RAD54L2: variants seen among roughly 807,000 people sequenced by gnomAD.
The protein encoded by RAD54L2 is helicase ARIP4.
Under a neutral mutation model 138.4 loss-of-function variants are expected in RAD54L2, and 27 were observed. The ratio of observed to expected loss-of-function variants is 0.20; its 90% CI spans 0.14 to 0.27. The LOEUF (loss-of-function observed/expected upper bound fraction) is 0.27. Among genes scored for constraint, RAD54L2 ranks in the 10% least tolerant of loss-of-function variants. RAD54L2 has a pLI of 1.00. For synonymous variants in RAD54L2, 644 were observed against 723.2 expected, an observed-to-expected ratio of 0.89 and a Z score of 1.76; for missense variants, 1,396 against 1,890.2, an observed-to-expected ratio of 0.74 and a Z score of 4.85.
chr3:51,642,398 C>A (rs1701161899), intron 15 of RAD54L2, among the ~76,000 whole-genome samples: 1 of 145,326 alleles, frequency 6.9e-6, no homozygotes, highest in South Asian at 2.1e-4. Context: ...CAAGTACATA[C>A]AGTACGTAAA....
intron 2 of RAD54L2, among the ~76,000 whole-genome samples, chr3:51,564,233 A>G (rs1037957758): frequency 2.0e-5 from 3 of 152,240 alleles, no homozygotes; most frequent in Non-Finnish European, 4.4e-5. Flanking sequence ...ACAGGAAAAC[A>G]GGGAGTGCTT....
intron 2 of RAD54L2, among the ~76,000 whole-genome samples, chr3:51,589,510 C>T (rs1699788480): frequency 6.6e-6 from 1 of 152,322 alleles, no homozygotes; most frequent in African/African-American, 2.4e-5. Flanking sequence ...GGACTGGAAG[C>T]TTTGGCTCAT....
intron 3 of RAD54L2, among the ~76,000 whole-genome samples, chr3:51,597,995 G>T (rs1369192731): frequency 6.6e-6 from 1 of 150,608 alleles, no homozygotes; most frequent in Admixed American, 6.6e-5. Context: ...TAATTATGCT[G>T]AGTGAAAGCC....
intron 2 of RAD54L2, among the ~76,000 whole-genome samples, chr3:51,579,161 CTTTTTTT>C (rs771455214): frequency 1.5e-5 from 2 of 131,652 alleles, no homozygotes; most frequent in African/African-American, 5.6e-5. Flanking sequence ...TGAGCCTGGG[CTTTTTTT>C]TTTTTTTTTT....
chr3:51,621,062 TTTAA>T (rs1417046296), intron 3 of RAD54L2, among the ~76,000 whole-genome samples: 3 of 152,140 alleles, frequency 2.0e-5, no homozygotes, highest in East Asian at 3.9e-4. Flanking sequence ...CTGAAGGAAA[TTTAA>T]TTATAGAATT....
chr3:51,662,997 C>T lies in RAD54L2; in HGVS notation c.3981C>T (p.Tyr1327=), dbSNP rs1168067489. ...TTATGGGCAGTACCCCCTCCTACTA[C>T]CAGCTGTCCAATTTGCTGGCAGATG... is the stretch of plus-strand genomic sequence containing the variant. The part of the protein sequence containing the change: ...SLFMGSTPSY[Y]QLSNLLADAR... The change falls in exon 23 of 23, where the codon TAC becomes TAT. Residue 1327 remains tyrosine, a synonymous_variant. Transcript: ENST00000684192. The surrounding 1 kb of genome is among the most constrained non-coding windows in gnomAD (Gnocchi z 4.6). 5.0e-6 allele frequency: 8 copies of T among 1,614,006 alleles called. No individual in the cohort carries two copies. The highest frequency in any genetic ancestry group is 6.8e-6 in the Non-Finnish European group (8 of 1,179,894).
chr3:51,596,740 G>A (rs544277674), intron 3 of RAD54L2, among the ~76,000 whole-genome samples: 1 of 152,238 alleles, frequency 6.6e-6, no homozygotes, highest in South Asian at 2.1e-4. Flanking sequence ...TACCTGTGCT[G>A]GGTTTCCTTG....
rs2106861810 is a variant in RAD54L2 at position 51,662,919 on chromosome 3, A to G, written c.3903A>G (p.Leu1301=). The change falls in exon 23 of 23, where the codon TTA becomes TTG. Residue 1301 remains leucine, a synonymous_variant. Coordinates refer to ENST00000684192, the MANE Select transcript of RAD54L2 (RefSeq NM_015106.4). The surrounding 1 kb of genome is among the most constrained non-coding windows in gnomAD (Gnocchi z 4.6). ...GGTTTGCCATGCCACCCGTCTCCTT[A>G]AACCATAACCTCACCACCCCCTTCA... The part of the protein sequence containing the change: ...SGGFAMPPVS[L]NHNLTTPFTS... 2.5e-6 allele frequency: 4 copies of G among 1,613,746 alleles called. No homozygotes were observed. In the East Asian group the frequency reaches 8.9e-5, roughly 36 times the overall value.
chr3:51,643,672 C>T (rs917839105), intron 15 of RAD54L2, among the ~76,000 whole-genome samples: 34 of 152,318 alleles, frequency 2.2e-4, no homozygotes, highest in Non-Finnish European at 3.1e-4. Context: ...ATCCATGGTG[C>T]ATGTGAGAAT....
chr3:51,633,257 G>C (rs1356173065), intron 7 of RAD54L2, among the ~76,000 whole-genome samples: 1 of 152,110 alleles, frequency 6.6e-6, no homozygotes, highest in African/African-American at 2.4e-5. Flanking sequence ...CTATGGAATG[G>C]GCTGCCTTAA....
chr3:51,559,708 C>T (rs1317254845), intron 2 of RAD54L2, among the ~76,000 whole-genome samples: 1 of 152,148 alleles, frequency 6.6e-6, no homozygotes, highest in East Asian at 1.9e-4. Context: ...GATGAGCTCT[C>T]TGAAACCAGT....
intron 19 of RAD54L2, among the ~76,000 whole-genome samples, chr3:51,655,145 TA>T (rs1400120097): frequency 6.6e-6 from 1 of 151,936 alleles, no homozygotes; most frequent in Non-Finnish European, 1.5e-5. Flanking sequence ...CAGAGTGGTA[TA>T]AAAGTGTTAT....
rs2106796609 is a variant in RAD54L2, at chr3:51,630,445, G to C, written c.598+57G>C. On this transcript the variant is annotated intron_variant, in intron 6 of 22. Transcript: ENST00000684192. Reference sequence around the variant, plus strand: ...CGACCTGGTGTTCATGCTGAGATCGGCTATACTTTGAAAAGAGTCCAGTCC... The same window carrying C: ...CGACCTGGTGTTCATGCTGAGATCGCCTATACTTTGAAAAGAGTCCAGTCC... 2.0e-6 allele frequency: 3 copies of C among 1,498,452 alleles called. No individual in the cohort carries two copies. In the South Asian group the frequency reaches 3.4e-5, roughly 17 times the overall value. 92.8% of individuals were successfully genotyped at this position (1,498,452 alleles called of 1,614,324 possible).
intron 10 of RAD54L2, among the ~76,000 whole-genome samples, chr3:51,636,167 A>C (rs568097581): frequency 6.6e-6 from 1 of 152,260 alleles, no homozygotes; most frequent in Non-Finnish European, 1.5e-5. Context: ...CAAAGTAGTA[A>C]TACTATTGTT....
chr3:51,616,436 C>G (rs1001808594), intron 3 of RAD54L2, among the ~76,000 whole-genome samples: 2 of 152,042 alleles, frequency 1.3e-5, no homozygotes, highest in African/African-American at 4.8e-5. Flanking sequence ...TTTAAAAAGT[C>G]AGCATTAATG....
chr3:51,623,978 C>G (rs1577433450), intron 3 of RAD54L2, among the ~76,000 whole-genome samples: 1 of 27,952 alleles, frequency 3.6e-5, no homozygotes, highest in Non-Finnish European at 6.1e-5. Context: ...GACTCCGTCT[C>G]ACAAAAAAAA....
intron 15 of RAD54L2, among the ~76,000 whole-genome samples, chr3:51,642,698 G>A (rs1211265733): frequency 6.6e-6 from 1 of 152,124 alleles, no homozygotes; most frequent in African/African-American, 2.4e-5. Flanking sequence ...GGGAGTGGGA[G>A]TATGGAGAAA....
intron 19 of RAD54L2, among the ~76,000 whole-genome samples, chr3:51,654,480 G>T (rs1276270411): frequency 2.6e-5 from 4 of 152,170 alleles, no homozygotes; most frequent in African/African-American, 7.2e-5. Flanking sequence ...TTGAGTCCAG[G>T]AATTGGAGAC....
chr3:51,662,822 G>A lies in RAD54L2; in HGVS notation c.3806G>A (p.Arg1269His), dbSNP rs1288850889. ...CCACCTGCTGCCCAGGAGTCATCCC[G>A]CCGGCGGTCCAGGAAGGGTCATCTG... ...ATPPAAQESSRRRSRKGHLPA... is the reference protein window; with the variant it reads ...ATPPAAQESSHRRSRKGHLPA... Residue 1269 changes from arginine to histidine, a missense_variant, in exon 23 of 23, where the codon CGC becomes CAC. By Grantham distance (29) the Arg-to-His change is conservative. Transcript: ENST00000684192. The surrounding 1 kb of genome is among the most constrained non-coding windows in gnomAD (Gnocchi z 4.6). The A allele has an allele frequency of 7.4e-6, 12 of 1,611,782 alleles. No individual in the cohort carries two copies. The highest frequency in any genetic ancestry group is 4.0e-5 in the African/African-American group (3 of 74,872).
Sources: gnomAD v4.1 joint callset for allele counts (sites outside exome capture counted in the v4.1 genomes callset) on GRCh38, gnomAD v4.1.1 for gene constraint, Gnocchi (gnomAD v3.1) non-coding constraint, MANE v1.5 for transcripts, NCBI Gene and HGNC (gene_info 2026-07-23, HGNC 2026-07-21) for gene names.